NOL9: variants seen among roughly 807,000 people sequenced by gnomAD.
The protein encoded by NOL9 is nucleolar protein 9, also known as polynucleotide 5'-hydroxyl-kinase NOL9.
A neutral mutation model predicts 67.9 loss-of-function variants in NOL9; 28 were observed. The ratio of observed to expected loss-of-function variants is 0.41; its 90% CI spans 0.31 to 0.57. The LOEUF (loss-of-function observed/expected upper bound fraction) is 0.57. Ranked by LOEUF, NOL9 falls within the 20% of genes least tolerant of loss-of-function variation. The probability of loss-of-function intolerance (pLI) is 0.25; values close to 1 mark genes in which losing one functional copy is unlikely to be tolerated. For missense variants in NOL9, 777 were observed against 897.0 expected, an observed-to-expected ratio of 0.87 and a Z score of 1.71; for synonymous variants, 356 against 352.2, an observed-to-expected ratio of 1.01 and a Z score of -0.12.
At chr1:6,542,557 G>C (rs1419566500) in intron 5 of NOL9, among the ~76,000 whole-genome samples, 1 of 148,428 alleles carries the variant, frequency 6.7e-6, no homozygotes, top group Non-Finnish European at 1.5e-5. Flanking sequence ...TCCCGGGCTT[G>C]AGCAATTCTC....
intron 2 of NOL9, 93 bp downstream of exon 2, chr1:6,550,303 T>A: frequency 9.2e-7 from 1 of 1,085,092 alleles, no homozygotes; most frequent in East Asian, 2.4e-5. Context: ...AGTGCTGGGA[T>A]TATAGGCGTG....
At chr1:6,532,405 G>A in intron 8 of NOL9, 58 bp downstream of exon 8, 1 of 1,499,776 alleles carries the variant, frequency 6.7e-7, no homozygotes, top group Non-Finnish European at 9.1e-7. Context: ...AATTGAGAAT[G>A]GCAGGTCTTT....
chr1:6,552,817 C>T (rs769034650), intron 1 of NOL9, among the ~76,000 whole-genome samples: 3 of 151,986 alleles, frequency 2.0e-5, no homozygotes, highest in African/African-American at 7.2e-5. Flanking sequence ...TCCTTCCTTT[C>T]TTCCTTTCTT....
At chr1:6,528,194 T>A (rs1638933852) in intron 10 of NOL9, among the ~76,000 whole-genome samples, 1 of 152,142 alleles carries the variant, frequency 6.6e-6, no homozygotes, top group African/African-American at 2.4e-5. Context: ...GTCAAGGAAG[T>A]GGGGACCCAA....
intron 10 of NOL9, among the ~76,000 whole-genome samples, chr1:6,527,509 T>C (rs149422742): frequency 2.0e-3 from 305 of 151,528 alleles, no homozygotes; most frequent in Non-Finnish European, 3.7e-3. Context: ...CAGCTGGGCA[T>C]GGTGGCGCGC....
intron 1 of NOL9, among the ~76,000 whole-genome samples, chr1:6,552,120 G>A (rs570910150): frequency 6.6e-6 from 1 of 152,300 alleles, no homozygotes; most frequent in Non-Finnish European, 1.5e-5. Flanking sequence ...TACATGGTGG[G>A]TAACAACATA....
chr1:6,544,554 GCCCCCCA>G (rs1553183984), intron 5 of NOL9, among the ~76,000 whole-genome samples: 30 of 12,296 alleles, frequency 2.4e-3, no homozygotes, highest in Middle Eastern at 0.2. Context: ...CCCCCCCCCC[GCCCCCCA>G]CCCCAGAACT....
At position 6,549,676 on chromosome 1, in the gene NOL9, C is replaced by G; in HGVS notation, c.639G>C (p.Gln213His). The G allele has an allele frequency of 3.7e-6, 6 of 1,614,124 alleles. No homozygotes were observed. The highest frequency in any genetic ancestry group is 5.1e-6 in the Non-Finnish European group (6 of 1,180,008). The change falls in exon 3 of 12, where the codon CAG becomes CAC. Residue 213 changes from glutamine to histidine, a missense_variant. Gln to His is a conservative substitution (Grantham distance 24, BLOSUM62 0). Around this residue, in one of 2 missense-constraint regions of NOL9, gnomAD observed 364 missense variants for 344.4 expected, o/e 1.06. Coordinates refer to ENST00000377705, the MANE Select transcript of NOL9 (RefSeq NM_024654.5). ...CAATGGAACACTGAGGAGAAAAATT[C>G]TGCATCGACCAACGCCTGTCATCTG... is the stretch of plus-strand genomic sequence containing the variant. ...LNLDDRRWSM[Q>H]NFSPQCSIVL...
chr1:6,526,362 G>C (rs771053932), intron 11 of NOL9, among the ~76,000 whole-genome samples: 1 of 152,130 alleles, frequency 6.6e-6, no homozygotes. Context: ...GCACACAGAC[G>C]CCTTGACCTG....
chr1:6,549,757 T>C, intron 2 of NOL9, 59 bp from the exon 3 acceptor site: 1 of 1,593,070 alleles, frequency 6.3e-7, no homozygotes, highest in African/African-American at 1.3e-5. Flanking sequence ...TCCACGCCCT[T>C]TAGGACTGCC....
chr1:6,525,806 C>T lies in NOL9; in HGVS notation c.*48G>A. On this transcript the variant is annotated 3_prime_UTR_variant, in exon 12 of 12. Coordinates refer to ENST00000377705, the MANE Select transcript of NOL9 (RefSeq NM_024654.5). ...ATGTCTCTTGTGGTCAGGCTTGAGA[C>T]AAAGCTTTCTGGTAGGAAAGTTTCT... 6.2e-7 allele frequency: 1 copy of T among 1,608,254 alleles called. No homozygotes were observed.
chr1:6,550,675 T>G (rs1639526010), intron 1 of NOL9, 60 bp from the exon 2 acceptor site: 16 of 1,072,836 alleles, frequency 1.5e-5, no homozygotes, highest in Admixed American at 2.7e-5. Flanking sequence ...ACTGAAACAT[T>G]CTAAAATCTT....
intron 9 of NOL9, among the ~76,000 whole-genome samples, chr1:6,531,712 G>A (rs1007174975): frequency 6.6e-6 from 1 of 152,242 alleles, no homozygotes; most frequent in South Asian, 2.1e-4. Flanking sequence ...CAGAACCATG[G>A]CTAAGAGCAG....
chr1:6,528,930 T>A, intron 10 of NOL9, 64 bp downstream of exon 10: 1 of 1,507,480 alleles, frequency 6.6e-7, no homozygotes, highest in Non-Finnish European at 9.2e-7. Context: ...AGACCAGTCA[T>A]CTACAGTTGA....
At chr1:6,530,080 T>C (rs1442095345) in intron 9 of NOL9, among the ~76,000 whole-genome samples, 1 of 152,008 alleles carries the variant, frequency 6.6e-6, no homozygotes, top group Non-Finnish European at 1.5e-5. Context: ...GAGCCAAAAT[T>C]GTGCCACTGC....
chr1:6,531,495 G>A (rs954169446), intron 9 of NOL9, among the ~76,000 whole-genome samples: 2 of 152,084 alleles, frequency 1.3e-5, no homozygotes, highest in African/African-American at 4.8e-5. Flanking sequence ...TTACAGGTGT[G>A]AGCCACCACG....
intron 5 of NOL9, among the ~76,000 whole-genome samples, chr1:6,544,525 A>ACACACACG (rs1553183955): frequency 1.4e-5 from 1 of 69,492 alleles, no homozygotes; most frequent in Non-Finnish European, 3.2e-5. Flanking sequence ...ACACACACAC[A>ACACACACG]CACGCACGCA....
chr1:6,533,513 G>A, intron 6 of NOL9, 72 bp from the exon 7 acceptor site: 1 of 1,200,718 alleles, frequency 8.3e-7, no homozygotes, highest in Non-Finnish European at 1.1e-6. Flanking sequence ...AAGGTGGTGA[G>A]GGTTTTGTTT....
intron 6 of NOL9, among the ~76,000 whole-genome samples, chr1:6,535,322 C>T (rs1639124355): frequency 6.6e-6 from 1 of 152,140 alleles, no homozygotes; most frequent in South Asian, 2.1e-4. Flanking sequence ...CCAGGGCTCT[C>T]TGGAAAAATA....
Sources: allele counts gnomAD v4.1 joint callset (sites outside exome capture counted in the v4.1 genomes callset), GRCh38; gene constraint gnomAD v4.1.1; regional missense constraint gnomAD v4.1.1; transcripts MANE v1.5; gene names NCBI Gene and HGNC (gene_info 2026-07-23, HGNC 2026-07-21).